Variants in ARHGAP24 observed in about 807,000 individuals in gnomAD.
ARHGAP24 encodes rho GTPase-activating protein 24.
A neutral mutation model predicts 76.4 loss-of-function variants in ARHGAP24; 50 were observed. That is an observed-to-expected ratio of 0.65 (90% CI 0.52 to 0.83). ARHGAP24 has a LOEUF of 0.83. ARHGAP24 is among the 40% of genes least tolerant of loss of function. The pLI, the probability that ARHGAP24 is intolerant of heterozygous loss-of-function variation, is 0.00. For synonymous variants in ARHGAP24, 345 were observed against 323.3 expected (o/e 1.07, Z -0.72); for missense variants, 930 against 914.2 (o/e 1.02, Z -0.22).
At chr4:85,556,962 T>G (rs1178232864) in intron 1 of ARHGAP24, among the ~76,000 whole-genome samples, 1 of 152,220 alleles carries the variant, frequency 6.6e-6, no homozygotes, top group Non-Finnish European at 1.5e-5. Flanking sequence ...TGGAGACCTA[T>G]GTGGAACACA....
At chr4:85,893,817 G>T (rs1289192770) in intron 3 of ARHGAP24, among the ~76,000 whole-genome samples, 1 of 151,140 alleles carries the variant, frequency 6.6e-6, no homozygotes, top group Non-Finnish European at 1.5e-5. Context: ...GATGAAATTG[G>T]AAACCATCAT....
At chr4:85,928,602 C>T (rs978870664) in intron 4 of ARHGAP24, among the ~76,000 whole-genome samples, 3 of 151,958 alleles carry the variant, frequency 2.0e-5, no homozygotes, top group African/African-American at 4.8e-5. Context: ...ATATTACAGT[C>T]GCCTGCCACC....
intron 3 of ARHGAP24, among the ~76,000 whole-genome samples, chr4:85,895,001 C>CAAAAAAAAAAAAAAAAAAAAA (rs1222078793): frequency 3.7e-5 from 2 of 54,336 alleles, no homozygotes; most frequent in East Asian, 1.4e-3. Flanking sequence ...AAACAAAAAG[C>CAAAAAAAAAAAAAAAAAAAAA]AAAAAAAAAA....
chr4:85,690,368 A>G (rs1047480265), intron 2 of ARHGAP24, among the ~76,000 whole-genome samples: 1 of 152,174 alleles, frequency 6.6e-6, no homozygotes, highest in Non-Finnish European at 1.5e-5. Context: ...ATTTTTGAAT[A>G]GTTTCAGTAG....
chr4:85,873,263 C>T (rs576846439), intron 3 of ARHGAP24, among the ~76,000 whole-genome samples: 13 of 152,272 alleles, frequency 8.5e-5, no homozygotes, highest in Non-Finnish European at 1.9e-4. Flanking sequence ...GGATTATGTA[C>T]CTTGTAGGAT....
chr4:85,995,509 C>T lies in ARHGAP24; in HGVS notation c.1855C>T (p.Arg619Ter), dbSNP rs1740609734. Residue 619 changes from arginine to a stop codon, truncating the protein, a stop_gained, in exon 9 of 10, where the codon CGA (arginine) becomes TGA (stop). Coordinates refer to ENST00000395184, the MANE Select transcript of ARHGAP24 (RefSeq NM_001025616.3). LOFTEE classifies it high-confidence loss of function. ...SKSDHRSVGG[R>*]SSRATSSSDN... ...AAGTGACCACAGGAGTGTGGGAGGT[C>T]GAAGTAGTCGTGCCACCAGTAGCAG... 2.5e-6 allele frequency: 4 copies of T among 1,602,472 alleles called. No homozygotes were observed. Among genetic ancestry groups the T allele is most frequent in the South Asian group, 1.1e-5 (1 of 88,946 alleles).
intron 5 of ARHGAP24, among the ~76,000 whole-genome samples, chr4:85,969,429 A>G (rs186798713): frequency 6.6e-6 from 1 of 152,142 alleles, no homozygotes; most frequent in Non-Finnish European, 1.5e-5. Flanking sequence ...TAGTCATGCA[A>G]ATTATACATA....
intron 3 of ARHGAP24, among the ~76,000 whole-genome samples, chr4:85,801,278 A>G (rs1230056724): frequency 6.6e-6 from 1 of 152,194 alleles, no homozygotes; most frequent in Non-Finnish European, 1.5e-5. Context: ...GTGCCCTACA[A>G]ATAGTGCTTT....
chr4:85,681,043 T>C (rs979565176), intron 2 of ARHGAP24, among the ~76,000 whole-genome samples: 9 of 152,158 alleles, frequency 5.9e-5, no homozygotes, highest in Non-Finnish European at 1.0e-4. Context: ...CCTGAGCTTT[T>C]ATACTGTAGA....
In ARHGAP24 at chr4:85,897,866, G is replaced by T. The variant is rs1319361666; in HGVS notation, c.269-25782G>T. Among the ~76,000 whole-genome samples, 3 of 151,894 alleles carry T rather than the reference G, an allele frequency of 2.0e-5. No homozygotes were observed. In the South Asian group the frequency reaches 6.2e-4, roughly 32 times the overall value. ...GGAAAGAAGGAAGCAAGCAAGGGGG[G>T]AGATAAAGTGGTGGGTGTGTGCACG... On this transcript the variant is annotated intron_variant, in intron 3 of 9. Coordinates refer to ENST00000395184, the MANE Select transcript of ARHGAP24 (RefSeq NM_001025616.3).
At chr4:85,766,541 C>A (rs950753141) in intron 3 of ARHGAP24, among the ~76,000 whole-genome samples, 1 of 152,032 alleles carries the variant, frequency 6.6e-6, no homozygotes, top group African/African-American at 2.4e-5. Flanking sequence ...AAGCAGATTT[C>A]CAGGTGATTC....
At chr4:85,672,450 A>T (rs1722844266) in intron 2 of ARHGAP24, among the ~76,000 whole-genome samples, 1 of 152,046 alleles carries the variant, frequency 6.6e-6, no homozygotes, top group African/African-American at 2.4e-5. Flanking sequence ...GACACTGATA[A>T]GAATGATTAT....
chr4:85,707,728 C>G (rs978874333), intron 2 of ARHGAP24, among the ~76,000 whole-genome samples: 4 of 152,042 alleles, frequency 2.6e-5, no homozygotes, highest in Admixed American at 2.6e-4. Context: ...TAAAGTTGGA[C>G]CATTTATTGT....
chr4:85,977,959 T>G (rs890016176), intron 8 of ARHGAP24, among the ~76,000 whole-genome samples: 1 of 152,240 alleles, frequency 6.6e-6, no homozygotes, highest in African/African-American at 2.4e-5. Flanking sequence ...TGTAAAGTAT[T>G]CAAGAACTGA....
At chr4:85,998,758 T>C (rs1019127717) in intron 9 of ARHGAP24, among the ~76,000 whole-genome samples, 5 of 152,176 alleles carry the variant, frequency 3.3e-5, no homozygotes. Flanking sequence ...ATTGGAGATT[T>C]TGTAGTCTCT....
intron 8 of ARHGAP24, among the ~76,000 whole-genome samples, chr4:85,987,987 G>A (rs1174557034): frequency 6.6e-6 from 1 of 151,776 alleles, no homozygotes; most frequent in Non-Finnish European, 1.5e-5. Context: ...TTTCTTGTTA[G>A]AAATTATATA....
intron 3 of ARHGAP24, among the ~76,000 whole-genome samples, chr4:85,836,309 G>A (rs1730288652): frequency 6.6e-6 from 1 of 152,114 alleles, no homozygotes; most frequent in African/African-American, 2.4e-5. Context: ...TTCACAAATG[G>A]GTGGTTTAAA....
intron 3 of ARHGAP24, among the ~76,000 whole-genome samples, chr4:85,904,764 T>C (rs997657844): frequency 6.6e-6 from 1 of 152,180 alleles, no homozygotes; most frequent in Non-Finnish European, 1.5e-5. Context: ...AAAGCAAAAA[T>C]ATGCAAAACA....
chr4:85,972,812 A>C (rs1318206360), intron 6 of ARHGAP24, among the ~76,000 whole-genome samples: 2 of 152,130 alleles, frequency 1.3e-5, no homozygotes, highest in Non-Finnish European at 2.9e-5. Context: ...TATTCTGGAC[A>C]TTCCTTATAA....
Sources: gnomAD v4.1 joint callset for allele counts (sites outside exome capture counted in the v4.1 genomes callset) on GRCh38, gnomAD v4.1.1 for gene constraint, MANE v1.5 for transcripts, NCBI Gene and HGNC (gene_info 2026-07-23, HGNC 2026-07-21) for gene names.